ACTR3C: variants seen among roughly 807,000 people sequenced by gnomAD.
ACTR3C encodes the protein actin related protein 3C.
In ACTR3C, 18 loss-of-function variants were observed where a neutral mutation model predicts 26.3. The ratio of observed to expected loss-of-function variants is 0.68; its 90% confidence interval spans 0.47 to 1.01. The LOEUF is 1.01. Among genes scored for constraint, ACTR3C ranks in the 50% least tolerant of loss-of-function variants. The pLI, the probability that ACTR3C is intolerant of heterozygous loss-of-function variation, is 0.00. For missense variants in ACTR3C, 184 were observed against 250.7 expected, an observed-to-expected ratio of 0.73 and a Z score of 1.80; for synonymous variants, 55 against 94.5, an observed-to-expected ratio of 0.58 and a Z score of 2.42.
chr7:149,910,599 C>T, the ACTR3C span, among the ~76,000 whole-genome samples: 2,681 of 114,596 alleles, frequency 0.023, no homozygotes, highest in Non-Finnish European at 0.027. Context: ...AACGTCTGGA[C>T]AACCAAGCCG....
chr7:150,172,574 C>A, the ACTR3C span, among the ~76,000 whole-genome samples: 42 of 149,986 alleles, frequency 2.8e-4, 1 homozygote, highest in Non-Finnish European at 4.4e-5. Context: ...CATCCCTGGC[C>A]CTTTCAAATC....
the ACTR3C span, among the ~76,000 whole-genome samples, chr7:150,177,459 A>C: frequency 6.6e-6 from 1 of 150,840 alleles, no homozygotes; most frequent in Non-Finnish European, 1.5e-5. Flanking sequence ...GATAGTTGTC[A>C]CTACCTCATT....
chr7:149,955,345 A>C, the ACTR3C span, among the ~76,000 whole-genome samples: 1 of 152,260 alleles, frequency 6.6e-6, no homozygotes, highest in Non-Finnish European at 1.5e-5. Context: ...CTGGCTGATT[A>C]ACTGATTAAT....
the ACTR3C span, among the ~76,000 whole-genome samples, chr7:149,931,242 C>G: frequency 3.3e-5 from 5 of 152,220 alleles, no homozygotes; most frequent in African/African-American, 1.2e-4. Context: ...GGAGGGTGCC[C>G]TGGGTCTGTA....
At chr7:149,998,253 G>A in the ACTR3C span, among the ~76,000 whole-genome samples, 1 of 151,264 alleles carries the variant, frequency 6.6e-6, no homozygotes, top group Non-Finnish European at 1.5e-5. Context: ...TAGTGTGTTA[G>A]ACAAAATCTT....
the ACTR3C span, among the ~76,000 whole-genome samples, chr7:150,112,628 T>C: frequency 3.7e-4 from 57 of 152,114 alleles, no homozygotes; most frequent in African/African-American, 1.3e-3. Flanking sequence ...GCATCACCCT[T>C]GACGCCCTCC....
the ACTR3C span, among the ~76,000 whole-genome samples, chr7:150,158,492 G>A: frequency 6.6e-6 from 1 of 152,112 alleles, no homozygotes; most frequent in South Asian, 2.1e-4. Flanking sequence ...ACTATCAAAT[G>A]AAATGTTATT....
chr7:150,263,264 T>A (rs1833784414), intron 6 of ACTR3C, among the ~76,000 whole-genome samples: 1 of 152,168 alleles, frequency 6.6e-6, no homozygotes, highest in South Asian at 2.1e-4. Context: ...CAAGATGTTC[T>A]GTGAGTAATA....
chr7:149,896,505 G>A, the ACTR3C span, among the ~76,000 whole-genome samples: 904 of 150,584 alleles, frequency 6.0e-3, 7 homozygotes, highest in African/African-American at 0.022. Context: ...CTAAATTGGA[G>A]ACCAAATTTG....
At chr7:150,210,400 T>C in the ACTR3C span, among the ~76,000 whole-genome samples, 5,190 of 147,178 alleles carry the variant, frequency 0.035, 320 homozygotes, top group African/African-American at 0.13. Context: ...AGTGTAAGCA[T>C]ATGTCCATAT....
chr7:150,021,928 C>T, the ACTR3C span, among the ~76,000 whole-genome samples: 2 of 151,544 alleles, frequency 1.3e-5, no homozygotes, highest in East Asian at 1.9e-4. Context: ...CTGCTATAGG[C>T]GTGCGTGCAA....
At chr7:150,140,044 G>A in the ACTR3C span, among the ~76,000 whole-genome samples, 18 of 147,294 alleles carry the variant, frequency 1.2e-4, no homozygotes, top group East Asian at 1.7e-3. Flanking sequence ...ATACACACTC[G>A]CACACACATG....
the ACTR3C span, among the ~76,000 whole-genome samples, chr7:149,906,603 T>C: frequency 7.5e-4 from 113 of 150,644 alleles, 1 homozygote; most frequent in Non-Finnish European, 1.2e-3. Context: ...GGTTAATTTT[T>C]GTATTTTTAG....
At chr7:150,035,299 C>G in the ACTR3C span, among the ~76,000 whole-genome samples, 8 of 53,496 alleles carry the variant, frequency 1.5e-4, no homozygotes, top group South Asian at 1.3e-3. Flanking sequence ...TGCCTCCCCC[C>G]CCTTGCGATG....
the ACTR3C span, among the ~76,000 whole-genome samples, chr7:150,223,530 C>T: frequency 6.6e-5 from 10 of 151,968 alleles, no homozygotes; most frequent in East Asian, 1.2e-3. Flanking sequence ...TTTCCCAAGA[C>T]GTTAGTACAA....
the ACTR3C span, among the ~76,000 whole-genome samples, chr7:150,108,294 T>C: frequency 3.3e-5 from 5 of 149,600 alleles, no homozygotes; most frequent in Non-Finnish European, 7.4e-5. Context: ...ATTATAAGTG[T>C]CAAAGATGGA....
the ACTR3C span, among the ~76,000 whole-genome samples, chr7:150,000,064 G>A: frequency 6.7e-6 from 1 of 148,286 alleles, no homozygotes; most frequent in African/African-American, 2.5e-5. Context: ...ATTTTTACTA[G>A]TATTTTTAAT....
At chr7:150,199,633 TAAAAATAAAA>T in the ACTR3C span, among the ~76,000 whole-genome samples, 2 of 82,866 alleles carry the variant, frequency 2.4e-5, no homozygotes, top group African/African-American at 6.0e-5. Context: ...AAAAAATAAA[TAAAAATAAAA>T]AAAAATAAAT....
chr7:150,130,562 C>G, the ACTR3C span, among the ~76,000 whole-genome samples: 1 of 152,204 alleles, frequency 6.6e-6, no homozygotes, highest in Non-Finnish European at 1.5e-5. Flanking sequence ...AAAAGATACT[C>G]ATCATTTGTC....
Sources: gnomAD v4.1 joint callset for allele counts (sites outside exome capture counted in the v4.1 genomes callset) on GRCh38, gnomAD v4.1.1 for gene constraint, MANE v1.5 for transcripts, NCBI Gene and HGNC (gene_info 2026-07-23, HGNC 2026-07-21) for gene names.